Variants in EDA observed in about 807,000 individuals in gnomAD.
EDA encodes the protein ectodysplasin-A.
In EDA, 2 loss-of-function variants were observed where a neutral mutation model predicts 23.6. The observed-to-expected ratio is 0.08, with a 90% confidence interval of 0.03 to 0.27. The LOEUF (loss-of-function observed/expected upper bound fraction) is 0.27. Ranked by LOEUF, EDA falls within the 10% of genes least tolerant of loss-of-function variation. The pLI is 1.00. For missense variants in EDA, 229 were observed against 324.2 expected (o/e 0.71, Z 2.26); for synonymous variants, 131 against 132.0 (o/e 0.99, Z 0.05).
chrX:69,634,665 G>C (rs1932727447), intron 1 of EDA, among the ~76,000 whole-genome samples: 3 of 107,757 alleles, frequency 2.8e-5, no homozygotes, highest in African/African-American at 1.0e-4. Flanking sequence ...ATGGCAATAG[G>C]CTTTCTTATT....
At chrX:69,910,079 C>T (rs2018236424) in intron 1 of EDA, among the ~76,000 whole-genome samples, 1 of 111,285 alleles carries the variant, frequency 9.0e-6, no homozygotes, top group Non-Finnish European at 1.9e-5. Context: ...TAAGCCCCTA[C>T]TATGTGTTAG....
At chrX:69,989,298 C>T (rs1350915823) in intron 2 of EDA, among the ~76,000 whole-genome samples, 1 of 111,601 alleles carries the variant, frequency 9.0e-6, no homozygotes, top group Non-Finnish European at 1.9e-5. Context: ...ACTTTCACTC[C>T]ACCCATTTGC....
At chrX:69,943,590 C>G (rs2018793599) in intron 1 of EDA, among the ~76,000 whole-genome samples, 1 of 111,335 alleles carries the variant, frequency 9.0e-6, no homozygotes, top group South Asian at 3.8e-4. Flanking sequence ...ACCACTGTGG[C>G]CACCACCACC....
intron 1 of EDA, among the ~76,000 whole-genome samples, chrX:69,782,517 G>T (rs4336769): frequency 2.5e-4 from 28 of 111,468 alleles, no homozygotes; most frequent in African/African-American, 8.5e-4. Context: ...ATTCAATTAT[G>T]AGGCACATTA....
chrX:69,894,997 G>A lies in EDA; in HGVS notation c.397-62030G>A, dbSNP rs1052204001. On this transcript the variant is annotated intron_variant, in intron 1 of 7. Transcript: ENST00000374552. ...TCCTTGTCTTGTTCTGGTTTTCAAGGTGGGGTGCTTCCAGCTTTTGCCCAA... is the reference window on the plus strand; with the variant it reads ...TCCTTGTCTTGTTCTGGTTTTCAAGATGGGGTGCTTCCAGCTTTTGCCCAA... Among the ~76,000 whole-genome samples, 4 of 111,174 alleles carry A rather than the reference G, an allele frequency of 3.6e-5. No individual in the cohort carries two copies. In the Admixed American group the frequency reaches 3.9e-4, roughly 11 times the overall value.
intron 1 of EDA, among the ~76,000 whole-genome samples, chrX:69,717,520 GT>G (rs371792367): frequency 7.4e-4 from 64 of 86,468 alleles, no homozygotes; most frequent in South Asian, 1.8e-3. Flanking sequence ...ATGTCAAATT[GT>G]TTTTTTTTTT....
chrX:69,961,740 T>G (rs2019105641), intron 2 of EDA, among the ~76,000 whole-genome samples: 1 of 112,471 alleles, frequency 8.9e-6, no homozygotes, highest in Non-Finnish European at 1.9e-5. Context: ...CTGACTTGAG[T>G]TGGCCAGAAG....
chrX:69,905,045 A>G (rs1325341662), intron 1 of EDA, among the ~76,000 whole-genome samples: 4 of 112,216 alleles, frequency 3.6e-5, no homozygotes, highest in African/African-American at 1.3e-4. Flanking sequence ...CATATACCCA[A>G]CAGTGAGATT....
chrX:69,812,821 C>T (rs1389425160), intron 1 of EDA, among the ~76,000 whole-genome samples: 1 of 111,704 alleles, frequency 9.0e-6, no homozygotes, highest in Non-Finnish European at 1.9e-5. Flanking sequence ...CTAATTTATT[C>T]ATTTTGAGCT....
intron 1 of EDA, among the ~76,000 whole-genome samples, chrX:69,745,929 G>T (rs956874271): frequency 9.0e-6 from 1 of 111,676 alleles, no homozygotes; most frequent in Admixed American, 9.5e-5. Context: ...AGAGGTTGCA[G>T]TGAGCCAAGA....
At chrX:69,842,241 G>A (rs920188380) in intron 1 of EDA, among the ~76,000 whole-genome samples, 4 of 111,592 alleles carry the variant, frequency 3.6e-5, no homozygotes, top group African/African-American at 6.5e-5. Context: ...TCTAGGTTGC[G>A]TGCTCCTTAT....
chrX:69,825,612 G>A (rs1264506344), intron 1 of EDA, among the ~76,000 whole-genome samples: 1 of 113,216 alleles, frequency 8.8e-6, no homozygotes, highest in Non-Finnish European at 1.9e-5. Flanking sequence ...AGTCTTGCTA[G>A]TGGTCTATCA....
At chrX:69,781,452 AT>A (rs1569328568) in intron 1 of EDA, among the ~76,000 whole-genome samples, 1 of 111,737 alleles carries the variant, frequency 8.9e-6, no homozygotes, top group African/African-American at 3.2e-5. Context: ...ACATTCATTC[AT>A]TTACGTATTA....
chrX:69,828,623 A>T (rs970108981), intron 1 of EDA, among the ~76,000 whole-genome samples: 1 of 112,156 alleles, frequency 8.9e-6, no homozygotes, highest in Non-Finnish European at 1.9e-5. Context: ...GTGAGATGAA[A>T]CCAGTGCCTC....
At chrX:69,631,312 G>A (rs1435404991) in intron 1 of EDA, among the ~76,000 whole-genome samples, 1 of 107,243 alleles carries the variant, frequency 9.3e-6, no homozygotes, top group Admixed American at 1.0e-4. Flanking sequence ...AGCCCAAGAG[G>A]TGGAGGTTGC....
intron 2 of EDA, among the ~76,000 whole-genome samples, chrX:70,016,045 G>GA (rs369409357): frequency 0.023 from 2,036 of 87,108 alleles, 44 homozygotes; most frequent in African/African-American, 0.076. Context: ...AATGGAGAAA[G>GA]AAAAAAAAAA....
intron 3 of EDA, among the ~76,000 whole-genome samples, chrX:70,025,521 G>C (rs1372058147): frequency 8.9e-6 from 1 of 111,761 alleles, no homozygotes; most frequent in African/African-American, 3.3e-5. Context: ...TTGAGGCCAA[G>C]CTCCTTGTTT....
intron 1 of EDA, among the ~76,000 whole-genome samples, chrX:69,681,014 C>A (rs1471368945): frequency 3.6e-4 from 39 of 108,203 alleles, no homozygotes; most frequent in Admixed American, 3.0e-4. Context: ...TAGGGCAGGC[C>A]TGGTGGTGAC....
chrX:69,709,131 T>C (rs1420808900), intron 1 of EDA, among the ~76,000 whole-genome samples: 1 of 112,145 alleles, frequency 8.9e-6, no homozygotes, highest in Non-Finnish European at 1.9e-5. Context: ...TGCTGCTGTG[T>C]TTATTTAATT....
Sources: allele counts gnomAD v4.1 joint callset (sites outside exome capture counted in the v4.1 genomes callset), GRCh38; gene constraint gnomAD v4.1.1; transcripts MANE v1.5; gene names NCBI Gene and HGNC (gene_info 2026-07-23, HGNC 2026-07-21).